The following DMXL2 variants were observed in gnomAD, a reference collection of about 807,000 sequenced individuals.
DMXL2 encodes Dmx like 2.
A neutral mutation model predicts 331.1 loss-of-function variants in DMXL2; 103 were observed. The observed-to-expected ratio is 0.31, with a 90% confidence interval of 0.27 to 0.37. The LOEUF (loss-of-function observed/expected upper bound fraction) is 0.37. Among genes scored for constraint, DMXL2 ranks in the 10% least tolerant of loss-of-function variants. The pLI is 1.00. For missense variants in DMXL2, 3,171 were observed against 3,642.9 expected (o/e 0.87, Z 3.33); for synonymous variants, 1,281 against 1,252.1 (o/e 1.02, Z -0.49).
intron 3 of DMXL2, among the ~76,000 whole-genome samples, chr15:51,566,659 G>A (rs990320003): frequency 9.9e-5 from 15 of 151,834 alleles, no homozygotes; most frequent in Non-Finnish European, 2.2e-4. Context: ...TGTTTTGGGG[G>A]AATGTAAAAA....
At chr15:51,581,248 G>C (rs1164750888) in intron 1 of DMXL2, among the ~76,000 whole-genome samples, 2 of 152,146 alleles carry the variant, frequency 1.3e-5, no homozygotes, top group East Asian at 3.8e-4. Context: ...AGGGATGTAG[G>C]CTGTATGCTC....
At chr15:51,559,575 G>T (rs1481563436) in intron 6 of DMXL2, among the ~76,000 whole-genome samples, 1 of 152,048 alleles carries the variant, frequency 6.6e-6, no homozygotes, top group African/African-American at 2.4e-5. Flanking sequence ...ATAAAACTTA[G>T]CCAGCCATGG....
chr15:51,553,884 A>G (rs2097748437), intron 6 of DMXL2, among the ~76,000 whole-genome samples: 1 of 152,190 alleles, frequency 6.6e-6, no homozygotes, highest in African/African-American at 2.4e-5. Flanking sequence ...AGTCAATAGT[A>G]GACTATTAGT....
chr15:51,579,388 CAT>C (rs1327104697), intron 1 of DMXL2, among the ~76,000 whole-genome samples: 2 of 152,104 alleles, frequency 1.3e-5, no homozygotes, highest in African/African-American at 2.4e-5. Context: ...AAAAGGGACT[CAT>C]ATAATCAGTC....
intron 6 of DMXL2, 74 bp downstream of exon 6, chr15:51,563,306 GA>G (rs746281014): frequency 3.2e-6 from 4 of 1,264,812 alleles, no homozygotes; most frequent in Non-Finnish European, 4.4e-6. Flanking sequence ...TGAGAAAACT[GA>G]AAATAAAAAT....
chr15:51,495,391 T>G (rs926299883), intron 18 of DMXL2, among the ~76,000 whole-genome samples: 1 of 152,240 alleles, frequency 6.6e-6, no homozygotes, highest in East Asian at 1.9e-4. Context: ...AACATTTATA[T>G]TGACTCATAA....
chr15:51,582,713 A>T (rs2051523468), intron 1 of DMXL2, among the ~76,000 whole-genome samples: 1 of 152,186 alleles, frequency 6.6e-6, no homozygotes, highest in Non-Finnish European at 1.5e-5. Context: ...TAAGCAAGAA[A>T]TTTCACAAGT....
At chr15:51,458,362 T>G in intron 36 of DMXL2, 144 bp downstream of exon 36, 2 of 765,784 alleles carry the variant, frequency 2.6e-6, no homozygotes, top group South Asian at 3.7e-5. Flanking sequence ...AGACTTTCAC[T>G]GGCAGCTAAA....
At chr15:51,565,316 C>T in intron 3 of DMXL2, 150 bp from the exon 4 acceptor site, 1 of 531,216 alleles carries the variant, frequency 1.9e-6, no homozygotes, top group Non-Finnish European at 3.3e-6. Flanking sequence ...TTTTCATATA[C>T]TGTTTTTAAC....
At chr15:51,521,068 C>A (rs769095857) in intron 13 of DMXL2, among the ~76,000 whole-genome samples, 3 of 151,950 alleles carry the variant, frequency 2.0e-5, no homozygotes, top group Non-Finnish European at 2.9e-5. Flanking sequence ...ACTCACATTT[C>A]ATCAATTTAT....
intron 1 of DMXL2, among the ~76,000 whole-genome samples, chr15:51,601,222 C>A (rs1431851548): frequency 1.4e-5 from 2 of 140,466 alleles, no homozygotes; most frequent in African/African-American, 2.6e-5. Flanking sequence ...ACCTGGGAGG[C>A]GGAGCTTGCA....
chr15:51,587,895 T>G (rs1451200947), intron 1 of DMXL2, among the ~76,000 whole-genome samples: 1 of 152,230 alleles, frequency 6.6e-6, no homozygotes, highest in Non-Finnish European at 1.5e-5. Flanking sequence ...ATTGTGGTTT[T>G]GATTTGCATT....
intron 13 of DMXL2, among the ~76,000 whole-genome samples, chr15:51,534,832 T>C (rs1567080933): frequency 6.6e-6 from 1 of 152,174 alleles, no homozygotes; most frequent in East Asian, 1.9e-4. Flanking sequence ...AACCCAAATA[T>C]TGTCCTTAAT....
At chr15:51,469,313 G>C (rs760079399) in intron 29 of DMXL2, among the ~76,000 whole-genome samples, 1 of 151,896 alleles carries the variant, frequency 6.6e-6, no homozygotes, top group African/African-American at 2.4e-5. Flanking sequence ...TCCATGAGTA[G>C]ATAATTTTTG....
chr15:51,474,244 C>T (rs1414036798), intron 28 of DMXL2, 100 bp downstream of exon 28: 10 of 1,146,238 alleles, frequency 8.7e-6, no homozygotes, highest in Admixed American at 2.5e-5. Context: ...CTTTAAGCAT[C>T]GCTTATTTTC....
At chr15:51,500,750 C>T (rs1366713410) in intron 17 of DMXL2, among the ~76,000 whole-genome samples, 1 of 152,184 alleles carries the variant, frequency 6.6e-6, no homozygotes, top group Non-Finnish European at 1.5e-5. Context: ...ATAGATCTTA[C>T]CCATTTTACC....
At chr15:51,621,087 C>A (rs2054596558) in intron 1 of DMXL2, among the ~76,000 whole-genome samples, 1 of 119,066 alleles carries the variant, frequency 8.4e-6, no homozygotes, top group African/African-American at 2.9e-5. Context: ...AATTTCTTCT[C>A]TCTATCCCCA....
chr15:51,528,202 A>G (rs895047290), intron 13 of DMXL2, among the ~76,000 whole-genome samples: 1 of 152,146 alleles, frequency 6.6e-6, no homozygotes, highest in Admixed American at 6.5e-5. Flanking sequence ...CCAGAAACAA[A>G]TAACAAAATG....
rs2043359055 is a variant in DMXL2 at position 51,498,649 on chromosome 15, G to A, written c.4575C>T (p.Gly1525=). The change falls in exon 18 of 44, where the codon GGC becomes GGT. Residue 1525 remains glycine (G), a synonymous_variant. Transcript: ENST00000560891. Reference sequence around the variant, plus strand: ...GGAACATCTGCTCCAAACGGGTAAGGCCTGGTAGACTTGAGTGCATAAGAT... The same window carrying A: ...GGAACATCTGCTCCAAACGGGTAAGACCTGGTAGACTTGAGTGCATAAGAT... ...SSHLMHSSLP[G]LTRLEQMFLV... is the part of the protein sequence containing the mutation. 1 of 1,614,030 alleles carries A rather than the reference G, an allele frequency of 6.2e-7. No individual in the cohort carries two copies. Among genetic ancestry groups the A allele is most frequent in the African/African-American group, 1.3e-5 (1 of 74,932 alleles).
Sources: allele counts gnomAD v4.1 joint callset (sites outside exome capture counted in the v4.1 genomes callset), GRCh38; gene constraint gnomAD v4.1.1; transcripts MANE v1.5; gene names NCBI Gene and HGNC (gene_info 2026-07-23, HGNC 2026-07-21).